Variants in TBX18 observed in about 807,000 individuals in gnomAD.
TBX18 encodes the protein T-box transcription factor TBX18.
Under a neutral mutation model 55.0 loss-of-function variants are expected in TBX18, and 21 were observed. That is an observed-to-expected ratio of 0.38 (90% CI 0.27 to 0.55). TBX18 has a LOEUF of 0.55. TBX18 is among the 20% of genes least tolerant of loss of function. TBX18 has a pLI of 0.73. For synonymous variants in TBX18, 342 were observed against 326.1 expected, an observed-to-expected ratio of 1.05 and a Z score of -0.53; for missense variants, 840 against 799.6, an observed-to-expected ratio of 1.05 and a Z score of -0.61.
chr6:84,748,691 A>G (rs759872763), intron 4 of TBX18, among the ~76,000 whole-genome samples: 38 of 152,214 alleles, frequency 2.5e-4, no homozygotes, highest in African/African-American at 8.2e-4. Flanking sequence ...CAGAGAACAG[A>G]AAAGCTGGCC....
Position 84,762,636 on chromosome 6 carries a change from C to G in TBX18, c.405G>C (p.Ser135=), listed in dbSNP as rs750649327. The G allele has an allele frequency of 6.2e-7, 1 of 1,611,522 alleles. No individual in the cohort carries two copies. Among genetic ancestry groups the G allele is most frequent in the Admixed American group, 1.7e-5 (1 of 59,874 alleles). Residue 135 remains serine (S), a synonymous_variant, in exon 2 of 8, where the codon TCG becomes TCC. Transcript: ENST00000369663. ...GCAGATCCACCCGCGGGGCCTGCGG[C>G]GAGGGCAGAGGGGTCCCGGGCCGGG... The part of the protein sequence containing the change: ...SLARPGTPLP[S]PQAPRVDLQG...
At chr6:84,763,661 G>A (rs1372492355) in intron 1 of TBX18, among the ~76,000 whole-genome samples, 1 of 152,128 alleles carries the variant, frequency 6.6e-6, no homozygotes, top group Non-Finnish European at 1.5e-5. Context: ...CCGAAGGCGC[G>A]GGTCGCCGAG....
In TBX18 at chr6:84,736,716, G is replaced by A. The variant is rs572737135; in HGVS notation, c.1793C>T (p.Ser598Leu). 1.3e-6 allele frequency: 2 copies of A among 1,588,864 alleles called. No individual in the cohort carries two copies. The highest frequency in any genetic ancestry group is 2.7e-5 in the African/African-American group (2 of 73,638). The change falls in exon 8 of 8, where the codon TCA (serine) becomes TTA (leucine). Residue 598 changes from serine (S) to leucine (L), a missense_variant. Ser to Leu is a moderately radical substitution (Grantham distance 145, BLOSUM62 -2). Coordinates refer to ENST00000369663, the MANE Select transcript of TBX18 (RefSeq NM_001080508.3). ...CATATGTGCAGATACTTGAGATGAT[G>A]ACAGAGTTAAGCTTCCTAGGGTCCT... ...DSRTLGSLTL[S>L]SSQVSAHMV
rs1767122834 is a variant in TBX18 at position 84,744,255 on chromosome 6, G to C, written c.1004+6C>G. On this transcript the variant is annotated splice_donor_region_variant and intron_variant, in intron 6 of 7. Coordinates refer to ENST00000369663, the MANE Select transcript of TBX18 (RefSeq NM_001080508.3). ...CATAACCGGAATGGTCTTCACTAAG[G>C]CCCACCTGTTGCGCCCGGAGTCTCG... 7 of 1,610,586 alleles carry C rather than the reference G, an allele frequency of 4.3e-6. No homozygotes were observed. The highest frequency in any genetic ancestry group is 5.9e-6 in the Non-Finnish European group (7 of 1,177,854).
intron 1 of TBX18, chr6:84,763,092 G>C (rs1347052817): frequency 2.4e-6 from 1 of 419,032 alleles, no homozygotes; most frequent in Admixed American, 4.0e-5. Flanking sequence ...ACGCTTGCCC[G>C]ACGGAGTCAG....
intron 5 of TBX18, among the ~76,000 whole-genome samples, chr6:84,747,682 A>G (rs1158201788): frequency 6.6e-6 from 1 of 152,216 alleles, no homozygotes; most frequent in East Asian, 1.9e-4. Context: ...AAAGCTCAAA[A>G]TGGAAAGTAA....
intron 4 of TBX18, among the ~76,000 whole-genome samples, chr6:84,752,479 A>G (rs1254589307): frequency 1.3e-5 from 2 of 152,228 alleles, no homozygotes; most frequent in Non-Finnish European, 2.9e-5. Flanking sequence ...CAAACTCCAT[A>G]GCAAGGTAGC....
intron 3 of TBX18, among the ~76,000 whole-genome samples, chr6:84,758,248 A>C (rs1767548006): frequency 6.6e-6 from 1 of 151,966 alleles, no homozygotes; most frequent in South Asian, 2.1e-4. Context: ...CTCTACTAAA[A>C]ATACAAAAAG....
intron 7 of TBX18, 92 bp downstream of exon 7, chr6:84,738,405 G>C: frequency 2.1e-6 from 2 of 950,002 alleles, no homozygotes; most frequent in Admixed American, 1.7e-5. Flanking sequence ...GGTCATTATT[G>C]TAAGTATAAA....
chr6:84,754,442 G>A (rs1767433483), intron 4 of TBX18, among the ~76,000 whole-genome samples: 1 of 152,124 alleles, frequency 6.6e-6, no homozygotes, highest in African/African-American at 2.4e-5. Flanking sequence ...ACATGTTAAT[G>A]TACCTGTATT....
At chr6:84,748,237 G>A in intron 4 of TBX18, 150 bp from the exon 5 acceptor site, 1 of 531,554 alleles carries the variant, frequency 1.9e-6, no homozygotes, top group Non-Finnish European at 3.1e-6. Flanking sequence ...ATCAGAACTG[G>A]AGAAGGAAGG....
Position 84,736,459 on chromosome 6 carries a change from G to A in TBX18, c.*226C>T. On this transcript the variant is annotated 3_prime_UTR_variant, in exon 8 of 8. Transcript: ENST00000369663. ...CTCCGTGCAACTGGATGAAACAGGG[G>A]AACAATAGGGGCCGTGATACTCCAT... 2.7e-6 allele frequency: 1 copy of A among 373,838 alleles called. No homozygotes were observed. The allele number at this position is 373,838 out of a possible 1,614,324, so 23.2% of individuals were successfully genotyped here. A position where few individuals can be genotyped will look rare whatever the true frequency, so the allele number is the denominator to read the frequency against.
At chr6:84,740,118 T>C (rs548379099) in intron 6 of TBX18, among the ~76,000 whole-genome samples, 7 of 152,286 alleles carry the variant, frequency 4.6e-5, no homozygotes, top group Non-Finnish European at 1.0e-4. Flanking sequence ...AAGAGATGTC[T>C]GCAGCCCCAG....
At chr6:84,758,340 G>A (rs1313462479) in intron 3 of TBX18, among the ~76,000 whole-genome samples, 1 of 150,948 alleles carries the variant, frequency 6.6e-6, no homozygotes, top group Non-Finnish European at 1.5e-5. Context: ...CCTGGGAGGC[G>A]GAGGTTCCAG....
chr6:84,754,179 C>T (rs1467950706), intron 4 of TBX18, among the ~76,000 whole-genome samples: 3 of 152,156 alleles, frequency 2.0e-5, no homozygotes, highest in East Asian at 1.9e-4. Flanking sequence ...CCACCTGCCT[C>T]GGCCTCCCAA....
At chr6:84,742,435 C>T (rs1261722145) in intron 6 of TBX18, 1 of 152,114 alleles carries the variant, frequency 6.6e-6, no homozygotes, top group East Asian at 1.9e-4. Flanking sequence ...TTTTCACTGA[C>T]CAAATTTAAG....
At chr6:84,763,765 G>A in intron 1 of TBX18, 125 bp downstream of exon 1, 1 of 1,415,174 alleles carries the variant, frequency 7.1e-7, no homozygotes, top group Non-Finnish European at 9.2e-7. Flanking sequence ...GACTGACACG[G>A]CCAATGCGCT....
chr6:84,747,948 G>T lies in TBX18; in HGVS notation c.911C>A (p.Thr304Lys), dbSNP rs1486521528. Residue 304 changes from threonine to lysine, a missense_variant, in exon 5 of 8, where the codon ACA becomes AAA. Physicochemically the swap from Thr to Lys is moderately conservative, Grantham distance 78 (BLOSUM62 -1). Transcript: ENST00000369663. ...CTGATTCTGATAGGCAGTGACGGTT[G>T]TGAAGACAGTTTCTGGAAAGGAGAA... is the stretch of plus-strand genomic sequence containing the variant. ...KAFSFPETVFTTVTAYQNQQI... is the reference protein window; with the variant it reads ...KAFSFPETVFKTVTAYQNQQI... 2.5e-6 allele frequency: 4 copies of T among 1,613,114 alleles called. No individual in the cohort carries two copies. In the South Asian group the frequency reaches 3.3e-5, roughly 13 times the overall value.
chr6:84,760,328 T>G lies in TBX18; in HGVS notation c.526A>C (p.Ile176Leu). 6.2e-7 allele frequency: 1 copy of G among 1,604,980 alleles called. No homozygotes were observed. Among genetic ancestry groups the G allele is most frequent in the Admixed American group, 1.7e-5 (1 of 59,298 alleles). ...RRMFPAMRVK[I>L]SGLDPHQQYY... is the part of the protein sequence containing the mutation. The stretch of plus-strand genomic sequence containing the variant: ...TGCTGGTGAGGATCTAATCCAGAGA[T>G]CTTCACTCTCATTGCTGGAAACATG... Residue 176 changes from isoleucine to leucine, a missense_variant, in exon 3 of 8, where the codon ATC becomes CTC. By Grantham distance (5) the Ile-to-Leu change is conservative. Coordinates refer to ENST00000369663, the MANE Select transcript of TBX18 (RefSeq NM_001080508.3).
Sources: allele counts gnomAD v4.1 joint callset (sites outside exome capture counted in the v4.1 genomes callset), GRCh38; gene constraint gnomAD v4.1.1; transcripts MANE v1.5; gene names NCBI Gene and HGNC (gene_info 2026-07-23, HGNC 2026-07-21).